The following ZNF814 variants were observed in gnomAD, a reference collection of about 807,000 sequenced individuals.
ZNF814 encodes zinc finger protein 814.
ZNF814 carries 5 observed loss-of-function variants against 7.5 expected under a neutral mutation model. That is an observed-to-expected ratio of 0.67 (90% confidence interval 0.35 to 1.40). The LOEUF is 1.40. Ranked by LOEUF, ZNF814 falls within the 40% of genes most tolerant of loss-of-function variation. The pLI is 0.04. For missense variants in ZNF814, 962 were observed against 1,018.0 expected (o/e 0.94, Z 0.75); for synonymous variants, 315 against 340.7 (o/e 0.92, Z 0.83).
chr19:57,879,869 A>G (rs1192088841), intron 1 of ZNF814, among the ~76,000 whole-genome samples: 1 of 124,000 alleles, frequency 8.1e-6, no homozygotes, highest in Non-Finnish European at 1.7e-5. Flanking sequence ...AGGTGGGTGG[A>G]TCACCTGAGG....
chr19:57,884,669 A>G (rs2071674941), intron 1 of ZNF814, among the ~76,000 whole-genome samples: 1 of 152,176 alleles, frequency 6.6e-6, no homozygotes, highest in South Asian at 2.1e-4. Flanking sequence ...GGTATAGGAA[A>G]AGGTGCTCAA....
intron 1 of ZNF814, among the ~76,000 whole-genome samples, chr19:57,879,003 G>C (rs2071631977): frequency 6.6e-6 from 1 of 151,962 alleles, no homozygotes; most frequent in Admixed American, 6.6e-5. Flanking sequence ...CTTGCACTCA[G>C]GCCATTTGTG....
Position 57,872,857 on chromosome 19 carries a change from C to G in ZNF814, c.2533G>C (p.Val845Leu). Residue 845 changes from valine (V) to leucine (L), a missense_variant, in exon 3 of 3, where the codon GTA (valine) becomes CTA (leucine). Around this residue, in one of 7 missense-constraint regions of ZNF814, gnomAD observed 665 missense variants for 551.4 expected, o/e 1.21. Coordinates refer to ENST00000435989, the MANE Select transcript of ZNF814 (RefSeq NM_001144989.2). ...KLFNKKSHLL[V>L]HQSSHWRKAI ...TTTCTCCAGTGTGAACTCTGGTGTA[C>G]AAGGAGGTGAGACTTCTTGTTAAAT... is the stretch of plus-strand genomic sequence containing the variant. 2 of 1,612,048 alleles carry G rather than the reference C, an allele frequency of 1.2e-6. No individual in the cohort carries two copies. Among genetic ancestry groups the G allele is most frequent in the South Asian group, 2.2e-5 (2 of 90,874 alleles).
the ZNF814 span, among the ~76,000 whole-genome samples, chr19:57,896,036 G>C: frequency 6.6e-6 from 1 of 152,114 alleles, no homozygotes; most frequent in Non-Finnish European, 1.5e-5. The surrounding 1 kb of genome is among the most constrained non-coding windows in gnomAD (Gnocchi z 4.2). Context: ...TTGAACACTC[G>C]AACAAACGAT....
intron 2 of ZNF814, among the ~76,000 whole-genome samples, chr19:57,876,084 G>A (rs1440294770): frequency 4.0e-5 from 6 of 149,616 alleles, no homozygotes; most frequent in Admixed American, 6.8e-5. Flanking sequence ...TCAGCCTCCC[G>A]AGTCACTGGG....
At chr19:57,885,620 A>G (rs534921455) in intron 1 of ZNF814, among the ~76,000 whole-genome samples, 2 of 128,762 alleles carry the variant, frequency 1.6e-5, no homozygotes, top group Non-Finnish European at 3.3e-5. Flanking sequence ...ACAGAGTAAG[A>G]CTGTGTCTCA....
At chr19:57,885,309 A>C (rs8110681) in intron 1 of ZNF814, among the ~76,000 whole-genome samples, 1 of 147,940 alleles carries the variant, frequency 6.8e-6, no homozygotes, top group African/African-American at 2.5e-5. Flanking sequence ...GCAACAGAGA[A>C]GGACTCCGTC....
At chr19:57,902,817 T>C in the ZNF814 span, among the ~76,000 whole-genome samples, 2 of 151,954 alleles carry the variant, frequency 1.3e-5, no homozygotes, top group South Asian at 2.1e-4. Context: ...CCCACCACCA[T>C]GCCCGGCTAA....
intron 1 of ZNF814, among the ~76,000 whole-genome samples, chr19:57,886,618 C>A (rs969897284): frequency 5.9e-5 from 9 of 151,824 alleles, no homozygotes; most frequent in African/African-American, 2.2e-4. Flanking sequence ...GTGGTTCACG[C>A]CTATAATCCC....
chr19:57,885,322 A>G (rs1262047023), intron 1 of ZNF814, among the ~76,000 whole-genome samples: 1 of 120,642 alleles, frequency 8.3e-6, no homozygotes, highest in Non-Finnish European at 1.6e-5. Context: ...ACTCCGTCTC[A>G]AAAAAAAAAA....
chr19:57,875,480 T>G (rs1195601012), intron 2 of ZNF814, among the ~76,000 whole-genome samples: 1 of 152,252 alleles, frequency 6.6e-6, no homozygotes, highest in Non-Finnish European at 1.5e-5. Flanking sequence ...CTACAATCCC[T>G]GCATCTGCAA....
At chr19:57,901,082 C>T in the ZNF814 span, among the ~76,000 whole-genome samples, 2 of 151,392 alleles carry the variant, frequency 1.3e-5, no homozygotes, top group African/African-American at 4.9e-5. Context: ...GTGATCCGCC[C>T]GCCTTGGCCT....
At chr19:57,898,448 G>A in the ZNF814 span, among the ~76,000 whole-genome samples, 1 of 152,196 alleles carries the variant, frequency 6.6e-6, no homozygotes, top group Non-Finnish European at 1.5e-5. Flanking sequence ...AACCGCATTA[G>A]GGTATCATTT....
chr19:57,883,185 C>A (rs1350455250), intron 1 of ZNF814, among the ~76,000 whole-genome samples: 1 of 151,410 alleles, frequency 6.6e-6, no homozygotes, highest in Admixed American at 6.6e-5. Flanking sequence ...GGTGAAACCC[C>A]ATCTGTACTA....
chr19:57,883,317 GC>G (rs1438402156), intron 1 of ZNF814, among the ~76,000 whole-genome samples: 2 of 145,112 alleles, frequency 1.4e-5, no homozygotes, highest in African/African-American at 2.6e-5. Flanking sequence ...CTGAGATCAC[GC>G]CACTGCACTC....
At chr19:57,902,467 T>C in the ZNF814 span, among the ~76,000 whole-genome samples, 3 of 152,120 alleles carry the variant, frequency 2.0e-5, no homozygotes, top group East Asian at 1.9e-4. Context: ...TCTCCTGCCA[T>C]AGGACAGGAA....
At chr19:57,893,751 T>G (rs1427776179), upstream of ZNF814, among the ~76,000 whole-genome samples, 1 of 151,520 alleles carries the variant, frequency 6.6e-6, no homozygotes, top group Non-Finnish European at 1.5e-5. Context: ...AAACCCCGTC[T>G]CTACTAAAAA....
At chr19:57,894,936 T>G in the ZNF814 span, among the ~76,000 whole-genome samples, 1 of 152,132 alleles carries the variant, frequency 6.6e-6, no homozygotes, top group African/African-American at 2.4e-5. Context: ...GAGCCTTCAA[T>G]GCTTTTTGTT....
At chr19:57,900,995 C>T in the ZNF814 span, among the ~76,000 whole-genome samples, 3 of 151,834 alleles carry the variant, frequency 2.0e-5, no homozygotes, top group South Asian at 2.1e-4. Flanking sequence ...TACAGGCACC[C>T]GCCGCTGCGC....
Sources: allele counts gnomAD v4.1 joint callset (sites outside exome capture counted in the v4.1 genomes callset), GRCh38; gene constraint gnomAD v4.1.1; regional missense constraint gnomAD v4.1.1; non-coding constraint Gnocchi (gnomAD v3.1); transcripts MANE v1.5; gene names NCBI Gene and HGNC (gene_info 2026-07-23, HGNC 2026-07-21).